PIWIL1: variants seen among roughly 807,000 people sequenced by gnomAD.
The protein encoded by PIWIL1 is piwi-like protein 1.
Under a neutral mutation model 114.4 loss-of-function variants are expected in PIWIL1, and 73 were observed. That is an observed-to-expected ratio of 0.64 (90% CI 0.53 to 0.78). The LOEUF (loss-of-function observed/expected upper bound fraction) is 0.78, where lower values mean the gene tolerates loss of function less well. Among genes scored for constraint, PIWIL1 ranks in the 30% least tolerant of loss-of-function variants. The probability of loss-of-function intolerance (pLI) is 0.00; values close to 1 mark genes in which losing one functional copy is unlikely to be tolerated. For missense variants in PIWIL1, 723 were observed against 1,063.1 expected (o/e 0.68, Z 4.45); for synonymous variants, 375 against 369.0 (o/e 1.02, Z -0.19).
the PIWIL1 span, among the ~76,000 whole-genome samples, chr12:130,384,557 C>T: frequency 6.6e-6 from 1 of 152,220 alleles, no homozygotes; most frequent in Non-Finnish European, 1.5e-5. Context: ...CGTTGAATGG[C>T]ACCTCTTGAA....
chr12:130,397,264 A>AGATT, the PIWIL1 span: 1 of 395,986 alleles, frequency 2.5e-6, no homozygotes, highest in African/African-American at 2.1e-5. Context: ...TCAGGGGAGA[A>AGATT]GATTGGGTTT....
chr12:130,338,119 A>G lies in PIWIL1; in HGVS notation c.-40A>G. 1 of 265,684 alleles carries G rather than the reference A, an allele frequency of 3.8e-6. No individual in the cohort carries two copies. Among genetic ancestry groups the G allele is most frequent in the Non-Finnish European group, 7.3e-6 (1 of 137,154 alleles). The allele number at this position is 265,684 out of a possible 1,614,324, so 16.5% of individuals were successfully genotyped here. A position where few individuals can be genotyped will look rare whatever the true frequency, so the allele number is the denominator to read the frequency against. On this transcript the variant is annotated 5_prime_UTR_variant, in exon 1 of 21. Coordinates refer to ENST00000245255, the MANE Select transcript of PIWIL1 (RefSeq NM_004764.5). ...GGCCTCGGGCTGAGGTGCAAGGACC[A>G]GGACTAGGGCGAGGGCAGCGGTCCA...
the PIWIL1 span, chr12:130,399,594 T>C: frequency 7.4e-6 from 11 of 1,481,526 alleles, no homozygotes; most frequent in Admixed American, 5.8e-5. Context: ...CGGCCCAAGA[T>C]ATAAAAATAT....
chr12:130,407,583 T>C, the PIWIL1 span: 2 of 755,196 alleles, frequency 2.6e-6, no homozygotes, highest in East Asian at 2.4e-5. Context: ...GTATCAGCCA[T>C]CCCTCGGATC....
chr12:130,391,767 G>C, the PIWIL1 span, among the ~76,000 whole-genome samples: 1 of 145,158 alleles, frequency 6.9e-6, no homozygotes, highest in African/African-American at 2.6e-5. Flanking sequence ...AGAGAGGGGT[G>C]AGGATGCAGA....
chr12:130,390,483 C>T, the PIWIL1 span, among the ~76,000 whole-genome samples: 241 of 152,292 alleles, frequency 1.6e-3, 3 homozygotes, highest in East Asian at 0.032. Flanking sequence ...GGTTACTGCC[C>T]ATTATAAAGG....
At chr12:130,357,235 A>T (rs908539218) in intron 13 of PIWIL1, 130 bp downstream of exon 13, 15 of 768,666 alleles carry the variant, frequency 2.0e-5, no homozygotes, top group Non-Finnish European at 3.1e-5. Flanking sequence ...ATGCAGATAA[A>T]CAGAAACATA....
the PIWIL1 span, chr12:130,397,814 A>G: frequency 3.5e-6 from 1 of 283,010 alleles, no homozygotes; most frequent in African/African-American, 2.2e-5. Context: ...AAGGCAGGTA[A>G]TAATTCACTT....
chr12:130,407,836 A>G, the PIWIL1 span: 189 of 1,611,176 alleles, frequency 1.2e-4, 1 homozygote, highest in East Asian at 4.2e-3. Flanking sequence ...CTCTCTGTTC[A>G]GATCACAAGG....
chr12:130,349,959 T>C lies in PIWIL1; in HGVS notation c.1036T>C (p.Tyr346His). ...CTCTGAAGTCAGCTTCTTAGAATAC[T>C]ACAGGAAGGTAAGATGCCAGTGGTT... ...DGSEVSFLEY[Y>H]RKQYNQEITD... Residue 346 changes from tyrosine (Y) to histidine (H), a missense_variant, in exon 9 of 21, where the codon TAC (tyrosine) becomes CAC (histidine). Around this residue, in one of 8 missense-constraint regions of PIWIL1, gnomAD observed 298 missense variants for 420.8 expected, o/e 0.71. Coordinates refer to ENST00000245255, the MANE Select transcript of PIWIL1 (RefSeq NM_004764.5). The C allele has an allele frequency of 6.3e-7, 1 of 1,587,248 alleles. No individual in the cohort carries two copies. The highest frequency in any genetic ancestry group is 8.6e-7 in the Non-Finnish European group (1 of 1,159,688).
chr12:130,408,644 C>T, the PIWIL1 span, among the ~76,000 whole-genome samples: 1 of 152,178 alleles, frequency 6.6e-6, no homozygotes, highest in African/African-American at 2.4e-5. Flanking sequence ...AGTGCAGAGC[C>T]GCAGAACCTG....
chr12:130,367,098 G>A lies in PIWIL1; in HGVS notation c.2196-35G>A, dbSNP rs767023266. ...GAATGAGTGCCCTGAAAATATGACT[G>A]GCTAAATGCAGTTACATTCATCATC... is the stretch of plus-strand genomic sequence containing the variant. On this transcript the variant is annotated intron_variant, in intron 18 of 20. Transcript: ENST00000245255. 3 of 1,611,030 alleles carry A rather than the reference G, an allele frequency of 1.9e-6. No homozygotes were observed. In the South Asian group the frequency reaches 3.3e-5, roughly 18 times the overall value.
the PIWIL1 span, among the ~76,000 whole-genome samples, chr12:130,415,262 A>C: frequency 6.6e-6 from 1 of 152,238 alleles, no homozygotes; most frequent in African/African-American, 2.4e-5. Context: ...CAAATCAATA[A>C]ATATGATTCA....
chr12:130,415,980 A>AC, the PIWIL1 span, among the ~76,000 whole-genome samples: 594 of 149,312 alleles, frequency 4.0e-3, 3 homozygotes, highest in African/African-American at 9.8e-3. Flanking sequence ...CACACACACA[A>AC]AATATACAGA....
intron 9 of PIWIL1, among the ~76,000 whole-genome samples, chr12:130,353,948 C>T (rs565054117): frequency 6.6e-6 from 1 of 151,768 alleles, no homozygotes; most frequent in African/African-American, 2.4e-5. Context: ...AAAAGAATGT[C>T]ATTTTTTATT....
chr12:130,355,897 C>T (rs915272923), intron 12 of PIWIL1, among the ~76,000 whole-genome samples: 2 of 152,154 alleles, frequency 1.3e-5, no homozygotes, highest in Non-Finnish European at 2.9e-5. Flanking sequence ...TCCCCTTGCA[C>T]ATCCACTCTC....
At chr12:130,355,431 C>A (rs1225593883) in intron 11 of PIWIL1, 122 bp from the exon 12 acceptor site, 1 of 747,580 alleles carries the variant, frequency 1.3e-6, no homozygotes, top group Admixed American at 2.0e-5. Context: ...GGCATTCTCA[C>A]CAGCGCCTTC....
chr12:130,337,990 C>A lies in PIWIL1; in HGVS notation c.-169C>A. On this transcript the variant is annotated 5_prime_UTR_variant, in exon 1 of 21. Coordinates refer to ENST00000245255, the MANE Select transcript of PIWIL1 (RefSeq NM_004764.5). Reference sequence around the variant, plus strand: ...TTGCTCGCTGCCCGCGTGTCCCTGGCTCTCTCGGGAACCCAGCGCCGAAGG... The same window carrying A: ...TTGCTCGCTGCCCGCGTGTCCCTGGATCTCTCGGGAACCCAGCGCCGAAGG... 1 of 168,158 alleles carries A rather than the reference C, an allele frequency of 5.9e-6. No individual in the cohort carries two copies. The highest frequency in any genetic ancestry group is 1.3e-5 in the Non-Finnish European group (1 of 78,838). 10.4% of individuals were successfully genotyped at this position (168,158 alleles called of 1,614,324 possible). A position where few individuals can be genotyped will look rare whatever the true frequency, so the allele number is the denominator to read the frequency against.
chr12:130,398,531 C>T, the PIWIL1 span: 2 of 152,578 alleles, frequency 1.3e-5, no homozygotes, highest in Non-Finnish European at 2.9e-5. Context: ...ATTGGTATAC[C>T]AACAACAAAC....
Sources: gnomAD v4.1 joint callset for allele counts (sites outside exome capture counted in the v4.1 genomes callset) on GRCh38, gnomAD v4.1.1 for gene constraint, gnomAD v4.1.1 regional missense constraint, MANE v1.5 for transcripts, NCBI Gene and HGNC (gene_info 2026-07-23, HGNC 2026-07-21) for gene names.